The following LTO1 variants were observed in gnomAD, a reference collection of about 807,000 sequenced individuals.
LTO1 encodes the protein LTO1 maturation factor of ABCE1.
LTO1 carries 18 observed loss-of-function variants against 19.8 expected under a neutral mutation model. That is an observed-to-expected ratio of 0.91 (90% CI 0.63 to 1.35). LTO1 has a LOEUF of 1.35. LTO1 is among the 40% of genes most tolerant of loss of function. LTO1 has a pLI of 0.00. For missense variants in LTO1, 175 were observed against 167.9 expected, an observed-to-expected ratio of 1.04 and a Z score of -0.23; for synonymous variants, 59 against 59.6, an observed-to-expected ratio of 0.99 and a Z score of 0.05.
intron 4 of LTO1, 39 bp downstream of exon 4, chr11:69,667,856 C>G (rs1295452734): frequency 2.9e-6 from 3 of 1,026,498 alleles, no homozygotes; most frequent in Non-Finnish European, 4.7e-6. Flanking sequence ...AAGGCGCAAT[C>G]AGGTGCTCCT....
In LTO1 at chr11:69,667,455, C is replaced by T; in HGVS notation, c.*64G>A. On this transcript the variant is annotated 3_prime_UTR_variant, in exon 5 of 5. Transcript: ENST00000279147. ...CCCAGCACCGTCTGGCCCTTCACCG[C>T]ATTTCTAAACACGTCACACACACAT... 12 of 1,097,758 alleles carry T rather than the reference C, an allele frequency of 1.1e-5. No individual in the cohort carries two copies. In the South Asian group the frequency reaches 1.1e-4, roughly 10 times the overall value. The allele number at this position is 1,097,758 out of a possible 1,614,324, so 68.0% of individuals were successfully genotyped here. A position where few individuals can be genotyped will look rare whatever the true frequency, so the allele number is the denominator to read the frequency against.
At chr11:69,670,786 T>C (rs1360795767) in intron 3 of LTO1, among the ~76,000 whole-genome samples, 1 of 152,204 alleles carries the variant, frequency 6.6e-6, no homozygotes, top group Non-Finnish European at 1.5e-5. Context: ...CTGCTGCCCA[T>C]GAACAGCAGA....
rs549265069 is a variant in LTO1, at chr11:69,675,286, G to A, written c.-47C>T. ...GGCCCCCGGGTTTCTGCAGCCCCGC[G>A]GTGCCGTAGCAGACCCGGCAGCTTC... On this transcript the variant is annotated 5_prime_UTR_variant, in exon 1 of 5. Coordinates refer to ENST00000279147, the MANE Select transcript of LTO1 (RefSeq NM_153451.3). 5 of 1,430,390 alleles carry A rather than the reference G, an allele frequency of 3.5e-6. No homozygotes were observed. The highest frequency in any genetic ancestry group is 1.5e-5 in the South Asian group (1 of 68,440). 88.6% of individuals were successfully genotyped at this position (1,430,390 alleles called of 1,614,324 possible).
chr11:69,666,219 G>A lies in LTO1; in HGVS notation c.*1300C>T, dbSNP rs900433608. On this transcript the variant is annotated 3_prime_UTR_variant, in exon 5 of 5. Coordinates refer to ENST00000279147, the MANE Select transcript of LTO1 (RefSeq NM_153451.3). ...GAGATCCACCTGCCGCTGCTCCCGC[G>A]GGGGTCACTTCTCTGGCTCCTGCAG... The A allele has an allele frequency of 7.2e-5, 11 of 152,196 alleles. No homozygotes were observed. Among genetic ancestry groups the A allele is most frequent in the Non-Finnish European group, 1.0e-4 (7 of 68,048 alleles). 9.4% of individuals were successfully genotyped at this position (152,196 alleles called of 1,614,324 possible).
chr11:69,672,098 G>A (rs1009265272), intron 2 of LTO1: 4 of 409,644 alleles, frequency 9.8e-6, no homozygotes, highest in Non-Finnish European at 1.4e-5. Context: ...CCAACAGAAT[G>A]TGGAGGAACA....
At chr11:69,668,675 GTTTT>G (rs60405881) in intron 3 of LTO1, among the ~76,000 whole-genome samples, 3 of 147,166 alleles carry the variant, frequency 2.0e-5, no homozygotes, top group Non-Finnish European at 3.0e-5. Context: ...TTTCTGTTTT[GTTTT>G]TTTTTTTTTA....
chr11:69,667,339 G>A lies in LTO1; in HGVS notation c.*180C>T, dbSNP rs1349618012. 27 of 603,258 alleles carry A rather than the reference G, an allele frequency of 4.5e-5. No individual in the cohort carries two copies. The South Asian group carries it at 5.2e-4, about 12-fold the overall frequency. The allele number at this position is 603,258 out of a possible 1,614,324, so 37.4% of individuals were successfully genotyped here. Reference sequence around the variant, plus strand: ...CATGTGTGGCGAGGCCCCAAGACGGGCACCAAGGTGACACAGGCAGAAAAC... The same window carrying A: ...CATGTGTGGCGAGGCCCCAAGACGGACACCAAGGTGACACAGGCAGAAAAC... On this transcript the variant is annotated 3_prime_UTR_variant, in exon 5 of 5. Transcript: ENST00000279147.
intron 3 of LTO1, among the ~76,000 whole-genome samples, chr11:69,669,231 G>A (rs375663720): frequency 1.4e-4 from 21 of 152,252 alleles, no homozygotes; most frequent in African/African-American, 5.1e-4. Context: ...GTCCTGAGAA[G>A]CATGCTGCCT....
chr11:69,674,748 G>A (rs1314867634), intron 1 of LTO1: 1 of 459,608 alleles, frequency 2.2e-6, no homozygotes, highest in Non-Finnish European at 4.4e-6. Flanking sequence ...GTCGCAGCAC[G>A]AGGGGCTCCC....
At chr11:69,671,495 A>C in intron 3 of LTO1, 1 of 431,118 alleles carries the variant, frequency 2.3e-6, no homozygotes, top group Non-Finnish European at 4.2e-6. Context: ...TAATGACTCC[A>C]GGTAAAAGGC....
chr11:69,673,426 G>A, intron 1 of LTO1, 105 bp from the exon 2 acceptor site: 1 of 738,862 alleles, frequency 1.4e-6, no homozygotes, highest in Non-Finnish European at 2.3e-6. Flanking sequence ...ACAAACCAGA[G>A]TAAAGGAGGA....
intron 2 of LTO1, chr11:69,672,250 C>A (rs75731451): frequency 0.026 from 4,498 of 175,500 alleles, 231 homozygotes; most frequent in African/African-American, 0.1. Context: ...GACAGCACCA[C>A]CTTGGAGGCA....
At chr11:69,674,637 A>G in intron 1 of LTO1, 1 of 389,852 alleles carries the variant, frequency 2.6e-6, no homozygotes, top group African/African-American at 2.1e-5. Context: ...TCAGCGCCTG[A>G]CTGCTAAATG....
Position 69,667,496 on chromosome 11 carries a change from C to T in LTO1, c.*23G>A, listed in dbSNP as rs374241312. 48 of 1,505,346 alleles carry T rather than the reference C, an allele frequency of 3.2e-5. No individual in the cohort carries two copies. The highest frequency in any genetic ancestry group is 1.2e-4 in the African/African-American group (9 of 72,826). The allele number at this position is 1,505,346 out of a possible 1,614,324, so 93.2% of individuals were successfully genotyped here. ...ACACACACATCTGTTCCTCGACGTT[C>T]GGTCTCTGTTCATCCATCCTCCTCA... is the stretch of plus-strand genomic sequence containing the variant. On this transcript the variant is annotated 3_prime_UTR_variant, in exon 5 of 5. Coordinates refer to ENST00000279147, the MANE Select transcript of LTO1 (RefSeq NM_153451.3).
chr11:69,673,025 C>A, intron 2 of LTO1, 191 bp downstream of exon 2: 1 of 646,608 alleles, frequency 1.5e-6, no homozygotes, highest in Non-Finnish European at 2.9e-6. Context: ...TGGTCTCCAA[C>A]TCCTGACCTC....
rs1454118197 is a variant in LTO1 at position 69,673,440 on chromosome 11, G to A, written c.51-119C>T. On this transcript the variant is annotated intron_variant, in intron 1 of 4. Transcript: ENST00000279147. ...GACAAACCAGAGTAAAGGAGGAAAA[G>A]CCTAAAATTCAAGTCAGAAGACACA... is the stretch of plus-strand genomic sequence containing the variant. 8.9e-6 allele frequency: 6 copies of A among 672,376 alleles called. 1 individual carries two copies. In the African/African-American group the frequency reaches 9.0e-5, roughly 10 times the overall value. The allele number at this position is 672,376 out of a possible 1,614,324, so 41.7% of individuals were successfully genotyped here.
In LTO1 at chr11:69,667,701, G is replaced by A. The variant is rs545725430; in HGVS notation, c.346-114C>T. On this transcript the variant is annotated intron_variant, in intron 4 of 4. Coordinates refer to ENST00000279147, the MANE Select transcript of LTO1 (RefSeq NM_153451.3). ...CTGTCTATGTGGCCAGCCCATAAAT[G>A]AGTTCTAACTCCTTTTCTCTGGACT... 1.0e-5 allele frequency: 8 copies of A among 793,706 alleles called. No individual in the cohort carries two copies. In the East Asian group the frequency reaches 1.0e-4, roughly 10 times the overall value. 49.2% of individuals were successfully genotyped at this position (793,706 alleles called of 1,614,324 possible). A position where few individuals can be genotyped will look rare whatever the true frequency, so the allele number is the denominator to read the frequency against.
chr11:69,670,258 C>T (rs1467100006), intron 3 of LTO1, among the ~76,000 whole-genome samples: 4 of 152,232 alleles, frequency 2.6e-5, no homozygotes. Flanking sequence ...GGCTGGCAAC[C>T]TCCTGGGATG....
chr11:69,674,741 G>A (rs545808743), intron 1 of LTO1: 50 of 458,884 alleles, frequency 1.1e-4, no homozygotes, highest in African/African-American at 8.5e-4. Flanking sequence ...CCCCACTGTC[G>A]CAGCACGAGG....
Sources: allele counts gnomAD v4.1 joint callset (sites outside exome capture counted in the v4.1 genomes callset), GRCh38; gene constraint gnomAD v4.1.1; transcripts MANE v1.5; gene names NCBI Gene and HGNC (gene_info 2026-07-23, HGNC 2026-07-21).